Variants in GLT8D2 observed in about 807,000 individuals in gnomAD.
GLT8D2 encodes glycosyltransferase 8 domain-containing protein 2.
In GLT8D2, 45 loss-of-function variants were observed where a neutral mutation model predicts 44.5. That is an observed-to-expected ratio of 1.01 (90% CI 0.80 to 1.30). The LOEUF (loss-of-function observed/expected upper bound fraction) is 1.30. GLT8D2 is among the 50% of genes most tolerant of loss of function. GLT8D2 has a pLI of 0.00. For missense variants in GLT8D2, 400 were observed against 430.4 expected (o/e 0.93, Z 0.62); for synonymous variants, 156 against 157.2 (o/e 0.99, Z 0.06).
At chr12:104,060,710 C>T (rs570961561) in intron 1 of GLT8D2, among the ~76,000 whole-genome samples, 3 of 152,020 alleles carry the variant, frequency 2.0e-5, no homozygotes, top group Non-Finnish European at 2.9e-5. Flanking sequence ...ATTGCTTGAG[C>T]TCAGGAGTTC....
chr12:104,040,773 G>A (rs551257943), intron 1 of GLT8D2, among the ~76,000 whole-genome samples: 1 of 152,220 alleles, frequency 6.6e-6, no homozygotes, highest in African/African-American at 2.4e-5. Flanking sequence ...TATGAGACTC[G>A]AGTATATAGG....
intron 1 of GLT8D2, among the ~76,000 whole-genome samples, chr12:104,039,552 T>C (rs1485181132): frequency 1.3e-5 from 2 of 151,150 alleles, no homozygotes; most frequent in Non-Finnish European, 3.0e-5. Context: ...AAAATGCTCA[T>C]CGTCACTGGC....
chr12:104,016,838 G>GAA (rs777979649), intron 3 of GLT8D2, among the ~76,000 whole-genome samples: 1 of 136,622 alleles, frequency 7.3e-6, no homozygotes, highest in Non-Finnish European at 1.6e-5. Context: ...AAGAAAGAAA[G>GAA]AAAGAAAGAA....
chr12:104,019,123 T>C (rs1877289412), intron 3 of GLT8D2, among the ~76,000 whole-genome samples: 2 of 148,886 alleles, frequency 1.3e-5, no homozygotes, highest in Admixed American at 1.3e-4. Context: ...TTCTTCTTTT[T>C]TTTTTTTTTT....
At chr12:104,039,160 A>T (rs970148549) in intron 1 of GLT8D2, among the ~76,000 whole-genome samples, 28 of 152,354 alleles carry the variant, frequency 1.8e-4, no homozygotes, top group African/African-American at 6.7e-4. Context: ...TGGATTAAAG[A>T]CTTAAATGTT....
chr12:104,059,561 G>A (rs940008313), intron 1 of GLT8D2, among the ~76,000 whole-genome samples: 1 of 152,068 alleles, frequency 6.6e-6, no homozygotes, highest in African/African-American at 2.4e-5. Flanking sequence ...TTTAGCCACA[G>A]GCCACAACAA....
intron 1 of GLT8D2, among the ~76,000 whole-genome samples, chr12:104,041,921 C>T (rs1001733971): frequency 1.3e-5 from 2 of 152,218 alleles, no homozygotes; most frequent in Non-Finnish European, 2.9e-5. Context: ...CCAAACCAAA[C>T]CAAGATACTC....
intron 4 of GLT8D2, chr12:104,014,336 C>T (rs137980356): frequency 1.2e-5 from 8 of 691,876 alleles, no homozygotes; most frequent in Non-Finnish European, 1.6e-5. Context: ...GCTGGGGCAA[C>T]AGAGTGAGAT....
upstream of GLT8D2, among the ~76,000 whole-genome samples, chr12:104,053,875 C>A (rs1230412941): frequency 9.3e-5 from 13 of 140,300 alleles, no homozygotes; most frequent in African/African-American, 3.9e-4. Flanking sequence ...CAGAGCAAGA[C>A]TCCGTCTCAA....
chr12:104,023,315 G>T (rs1566203489), intron 1 of GLT8D2, among the ~76,000 whole-genome samples: 1 of 152,074 alleles, frequency 6.6e-6, no homozygotes, highest in Non-Finnish European at 1.5e-5. Context: ...TTAAAAAATT[G>T]CTATGCATAC....
chr12:104,007,564 T>C (rs1245345395), intron 4 of GLT8D2, among the ~76,000 whole-genome samples: 2 of 152,174 alleles, frequency 1.3e-5, no homozygotes, highest in Non-Finnish European at 2.9e-5. Flanking sequence ...TAAAACACTG[T>C]TAAGGAGGAA....
At chr12:104,003,973 A>T (rs1391563940) in intron 4 of GLT8D2, among the ~76,000 whole-genome samples, 1 of 152,118 alleles carries the variant, frequency 6.6e-6, no homozygotes, top group African/African-American at 2.4e-5. Context: ...TGATGCAAAA[A>T]TCCTCAAAAA....
chr12:103,998,025 T>C (rs2136283474), intron 6 of GLT8D2, among the ~76,000 whole-genome samples: 1 of 151,970 alleles, frequency 6.6e-6, no homozygotes, highest in South Asian at 2.1e-4. Flanking sequence ...GCATGACCTG[T>C]GGGTAGGAAC....
chr12:104,033,561 T>C (rs564591768), intron 1 of GLT8D2, among the ~76,000 whole-genome samples: 52 of 152,182 alleles, frequency 3.4e-4, no homozygotes, highest in Non-Finnish European at 6.5e-4. Context: ...ATGAGCAAGT[T>C]CTGGAGACCT....
intron 4 of GLT8D2, among the ~76,000 whole-genome samples, chr12:104,004,040 T>A (rs1874614328): frequency 6.6e-6 from 1 of 152,198 alleles, no homozygotes; most frequent in African/African-American, 2.4e-5. Flanking sequence ...CATAATCAAG[T>A]GCGCTTCATC....
chr12:104,026,699 T>C (rs1198604267), intron 1 of GLT8D2, among the ~76,000 whole-genome samples: 1 of 152,236 alleles, frequency 6.6e-6, no homozygotes, highest in Non-Finnish European at 1.5e-5. Flanking sequence ...TATTGTCACA[T>C]TTTTATGGTC....
chr12:104,051,385 T>C (rs772067185), upstream of GLT8D2, among the ~76,000 whole-genome samples: 4 of 152,168 alleles, frequency 2.6e-5, no homozygotes, highest in Non-Finnish European at 4.4e-5. Flanking sequence ...ATACAAGATG[T>C]TATCATTTCA....
At chr12:104,039,909 A>G (rs1311150413) in intron 1 of GLT8D2, among the ~76,000 whole-genome samples, 3 of 152,234 alleles carry the variant, frequency 2.0e-5, no homozygotes, top group South Asian at 2.1e-4. Flanking sequence ...ATGTCCATCA[A>G]TGATAGACTG....
intron 4 of GLT8D2, among the ~76,000 whole-genome samples, chr12:104,011,472 A>C (rs937922934): frequency 6.6e-6 from 1 of 152,150 alleles, no homozygotes; most frequent in Non-Finnish European, 1.5e-5. Context: ...CATTTCAAAT[A>C]AGGATTGTTT....
Sources: gnomAD v4.1 joint callset for allele counts (sites outside exome capture counted in the v4.1 genomes callset) on GRCh38, gnomAD v4.1.1 for gene constraint, MANE v1.5 for transcripts, NCBI Gene and HGNC (gene_info 2026-07-23, HGNC 2026-07-21) for gene names.